The following RBM39 variants were observed in gnomAD, a reference collection of about 807,000 sequenced individuals.
RBM39 encodes RNA binding motif protein 39.
In RBM39, 12 loss-of-function variants were observed where a neutral mutation model predicts 79.6. The ratio of observed to expected loss-of-function variants is 0.15; its 90% CI spans 0.10 to 0.24. The LOEUF (loss-of-function observed/expected upper bound fraction) is 0.24, where lower values mean the gene tolerates loss of function less well. Ranked by LOEUF, RBM39 falls within the 10% of genes least tolerant of loss-of-function variation. The probability of loss-of-function intolerance (pLI) is 1.00; values close to 1 mark genes in which losing one functional copy is unlikely to be tolerated. For synonymous variants in RBM39, 185 were observed against 208.4 expected, an observed-to-expected ratio of 0.89 and a Z score of 0.97; for missense variants, 243 against 653.4, an observed-to-expected ratio of 0.37 and a Z score of 6.85.
intron 10 of RBM39, among the ~76,000 whole-genome samples, chr20:35,715,383 C>A (rs1385103612): frequency 6.6e-6 from 1 of 152,126 alleles, no homozygotes; most frequent in Non-Finnish European, 1.5e-5. Context: ...ACCATGTTGG[C>A]CAGGATGGTC....
At chr20:35,740,472 G>A in intron 2 of RBM39, 1 of 1,107,414 alleles carries the variant, frequency 9.0e-7, no homozygotes, top group Non-Finnish European at 1.2e-6. Context: ...ATTCTTAGTT[G>A]AGTCATTTTA....
intron 10 of RBM39, among the ~76,000 whole-genome samples, chr20:35,716,152 C>T (rs1348256718): frequency 3.9e-5 from 6 of 151,968 alleles, no homozygotes; most frequent in African/African-American, 1.2e-4. Flanking sequence ...TGGCTCACTG[C>T]AATCTCCATA....
chr20:35,729,434 T>C, intron 5 of RBM39, 28 bp downstream of exon 5: 1 of 1,610,388 alleles, frequency 6.2e-7, no homozygotes, highest in Non-Finnish European at 8.5e-7. Flanking sequence ...AAAAACAATT[T>C]AAACAATTCA....
intron 3 of RBM39, 69 bp downstream of exon 3, chr20:35,738,899 A>T (rs2040253798): frequency 7.4e-7 from 1 of 1,348,940 alleles, no homozygotes; most frequent in Admixed American, 1.9e-5. Flanking sequence ...TAGCCACAGG[A>T]ACACAACTTA....
intron 6 of RBM39, among the ~76,000 whole-genome samples, chr20:35,725,790 A>G (rs2038604680): frequency 1.3e-5 from 2 of 151,044 alleles, no homozygotes; most frequent in Middle Eastern, 3.4e-3. Context: ...CAGCCTCCTG[A>G]GTAGCTGGGA....
chr20:35,709,012 AT>A (rs2036090553), intron 13 of RBM39: 1 of 441,720 alleles, frequency 2.3e-6, no homozygotes, highest in Non-Finnish European at 4.0e-6. Flanking sequence ...AAAAAAAAAA[AT>A]TGTTATTTTG....
chr20:35,740,403 C>T, intron 2 of RBM39: 2 of 431,894 alleles, frequency 4.6e-6, no homozygotes, highest in South Asian at 2.0e-5. Context: ...ATTCTTGGAC[C>T]CCTGCTTTTT....
chr20:35,735,567 T>G (rs2039816832), intron 3 of RBM39, among the ~76,000 whole-genome samples: 1 of 152,254 alleles, frequency 6.6e-6, no homozygotes, highest in South Asian at 2.1e-4. Flanking sequence ...ACACGGCACT[T>G]TCCTTTGGTT....
chr20:35,705,290 C>A lies in RBM39; in HGVS notation c.1348G>T (p.Val450Leu). 1 of 1,588,442 alleles carries A rather than the reference C, an allele frequency of 6.3e-7. No individual in the cohort carries two copies. The highest frequency in any genetic ancestry group is 8.5e-7 in the Non-Finnish European group (1 of 1,172,730). ...CCATGTTTATTACATTCTTCAATCA[C>A]ATCATCCTTAATCTCGGTATCCCAT... ...VGWDTEIKDDVIEECNKHGGV... is the reference protein window; with the variant it reads ...VGWDTEIKDDLIEECNKHGGV... Residue 450 changes from valine (V) to leucine (L), a missense_variant, in exon 15 of 17, where the codon GTG becomes TTG. Physicochemically the swap from Val to Leu is conservative, Grantham distance 32 (BLOSUM62 1). Around this residue, in one of 4 missense-constraint regions of RBM39, gnomAD observed 48 missense variants for 130.2 expected, o/e 0.37. Transcript: ENST00000253363.
At chr20:35,736,873 G>C (rs548865240) in intron 3 of RBM39, among the ~76,000 whole-genome samples, 3 of 151,140 alleles carry the variant, frequency 2.0e-5, no homozygotes, top group African/African-American at 7.3e-5. Context: ...GGATGGTCTC[G>C]ATCTCCTGAC....
chr20:35,725,836 G>T (rs1051867381), intron 6 of RBM39, among the ~76,000 whole-genome samples: 1 of 151,186 alleles, frequency 6.6e-6, no homozygotes, highest in Non-Finnish European at 1.5e-5. Flanking sequence ...GCTAATTTTT[G>T]TATTTTAAGT....
chr20:35,713,135 A>C (rs977236849), intron 11 of RBM39, 39 bp from the exon 12 acceptor site: 2 of 1,555,542 alleles, frequency 1.3e-6, no homozygotes, highest in African/African-American at 2.8e-5. Context: ...CTATGTTGAG[A>C]GCAGAGAAAC....
At chr20:35,730,404 T>G (rs530235640) in intron 4 of RBM39, among the ~76,000 whole-genome samples, 1 of 152,258 alleles carries the variant, frequency 6.6e-6, no homozygotes, top group South Asian at 2.1e-4. Context: ...TTTGAATTAG[T>G]TTTCATGAAC....
rs768847955 is a variant in RBM39, at chr20:35,729,273, AG to A, written c.416+38del. On this transcript the variant is annotated intron_variant, in intron 6 of 16. Coordinates refer to ENST00000253363, the MANE Select transcript of RBM39 (RefSeq NM_184234.3). The stretch of plus-strand genomic sequence containing the variant: ...ATTTAACAGTACCATAAGCTGCAAA[AG>A]CTTTTTAAGAGCTAAAGGCTTTAAA... The A allele has an allele frequency of 4.8e-5, 73 of 1,524,262 alleles. 4 individuals are homozygous for A. In the South Asian group the frequency reaches 8.9e-4, roughly 19 times the overall value. 94.4% of individuals were successfully genotyped at this position (1,524,262 alleles called of 1,614,324 possible).
At chr20:35,736,237 GAC>G (rs2039891607) in intron 3 of RBM39, among the ~76,000 whole-genome samples, 1 of 152,118 alleles carries the variant, frequency 6.6e-6, no homozygotes, top group Non-Finnish European at 1.5e-5. Context: ...AAAACCAGAT[GAC>G]ATAAACCATA....
chr20:35,726,750 G>C (rs182271243), intron 6 of RBM39, among the ~76,000 whole-genome samples: 6 of 152,072 alleles, frequency 3.9e-5, no homozygotes, highest in Admixed American at 2.0e-4. Context: ...GCCTAAACAC[G>C]ATCTTTTCCA....
intron 14 of RBM39, among the ~76,000 whole-genome samples, chr20:35,706,320 T>A (rs1414015209): frequency 6.6e-6 from 1 of 152,106 alleles, no homozygotes; most frequent in East Asian, 1.9e-4. Context: ...CAACCTAGAC[T>A]GAGACTCTGG....
In RBM39 at chr20:35,740,892, G is replaced by C; in HGVS notation, c.-13-5C>G. ...TCTGCCATTTTCTCTAAACGCCTAG[G>C]AAGAGAACAAGACAATTTCTTGAGT... On this transcript the variant is annotated splice_region_variant and splice_polypyrimidine_tract_variant and intron_variant, in intron 1 of 16. Coordinates refer to ENST00000253363, the MANE Select transcript of RBM39 (RefSeq NM_184234.3). The C allele has an allele frequency of 6.2e-7, 1 of 1,601,134 alleles. No individual in the cohort carries two copies.
At chr20:35,729,979 T>C (rs984504761) in intron 4 of RBM39, among the ~76,000 whole-genome samples, 2 of 152,206 alleles carry the variant, frequency 1.3e-5, no homozygotes, top group East Asian at 3.8e-4. Flanking sequence ...TGTGTACATG[T>C]ACATATACAA....
Sources: allele counts gnomAD v4.1 joint callset (sites outside exome capture counted in the v4.1 genomes callset), GRCh38; gene constraint gnomAD v4.1.1; regional missense constraint gnomAD v4.1.1; transcripts MANE v1.5; gene names NCBI Gene and HGNC (gene_info 2026-07-23, HGNC 2026-07-21).